The following WDFY4 variants were observed in gnomAD, a reference collection of about 807,000 sequenced individuals.
The protein encoded by WDFY4 is WDFY family member 4.
WDFY4 carries 169 observed loss-of-function variants against 351.9 expected under a neutral mutation model. The observed-to-expected ratio is 0.48, with a 90% CI of 0.42 to 0.55. WDFY4 has a LOEUF of 0.55. Ranked by LOEUF, WDFY4 falls within the 20% of genes least tolerant of loss-of-function variation. The probability of loss-of-function intolerance (pLI) is 0.00; values close to 1 mark genes in which losing one functional copy is unlikely to be tolerated. For missense variants in WDFY4, 3,803 were observed against 3,935.6 expected (o/e 0.97, Z 0.90); for synonymous variants, 1,622 against 1,574.6 (o/e 1.03, Z -0.71).
At chr10:48,734,817 C>A in intron 10 of WDFY4, among the ~76,000 whole-genome samples, 1 of 151,084 alleles carries the variant, frequency 6.6e-6, no homozygotes. Flanking sequence ...CACTCTGTCA[C>A]CAGGCTGGAG....
chr10:48,843,609 G>T (rs2133132118), intron 39 of WDFY4, among the ~76,000 whole-genome samples: 1 of 152,298 alleles, frequency 6.6e-6, no homozygotes, highest in East Asian at 1.9e-4. Context: ...AAGTAAAACA[G>T]ATTTGAAATT....
rs760837350 is a variant in WDFY4 at position 48,969,073 on chromosome 10, T to C, written c.8594T>C (p.Leu2865Pro). Residue 2865 changes from leucine to proline, a missense_variant, in exon 56 of 62, where the codon CTC (leucine) becomes CCC (proline). Transcript: ENST00000325239. ...ACTAACTGGGGTGTAGATATGTACCTCTTTTCTCTAGGCTCAGAGTCCCCC... is the reference window on the plus strand; with the variant it reads ...ACTAACTGGGGTGTAGATATGTACCCCTTTTCTCTAGGCTCAGAGTCCCCC... ...PSQVTVKDMY[L>P]FSLGSESPKG... 3 of 1,551,470 alleles carry C rather than the reference T, an allele frequency of 1.9e-6. No homozygotes were observed. The highest frequency in any genetic ancestry group is 1.2e-5 in the South Asian group (1 of 84,032).
chr10:48,710,292 T>C (rs968992532), intron 2 of WDFY4, among the ~76,000 whole-genome samples: 1 of 152,166 alleles, frequency 6.6e-6, no homozygotes, highest in Non-Finnish European at 1.5e-5. Context: ...GTGAGGGGCC[T>C]CTCTCAGGCT....
intron 40 of WDFY4, among the ~76,000 whole-genome samples, chr10:48,870,696 A>G (rs1186827651): frequency 1.3e-5 from 2 of 152,192 alleles, no homozygotes; most frequent in African/African-American, 4.8e-5. Context: ...GTGCAGAAAC[A>G]TGGGCATTTC....
At chr10:48,714,497 T>A (rs771962222) in intron 2 of WDFY4, among the ~76,000 whole-genome samples, 34 of 152,250 alleles carry the variant, frequency 2.2e-4, no homozygotes, top group Non-Finnish European at 4.0e-4. Context: ...CTGTTGTTCT[T>A]TTCCTGCCAA....
intron 57 of WDFY4, among the ~76,000 whole-genome samples, chr10:48,974,575 C>T (rs1224964366): frequency 7.4e-6 from 1 of 135,632 alleles, no homozygotes; most frequent in Non-Finnish European, 1.5e-5. Flanking sequence ...AGATGTAGGG[C>T]AGCACAAAAC....
At chr10:48,938,330 C>G (rs1199384586) in intron 47 of WDFY4, among the ~76,000 whole-genome samples, 2 of 152,240 alleles carry the variant, frequency 1.3e-5, no homozygotes, top group African/African-American at 2.4e-5. Flanking sequence ...CCTCCTAGTG[C>G]CAGGTGAAGA....
chr10:48,758,364 G>A (rs1246573957), intron 12 of WDFY4, among the ~76,000 whole-genome samples: 1 of 152,096 alleles, frequency 6.6e-6, no homozygotes, highest in Non-Finnish European at 1.5e-5. Context: ...TTAGTGTTCA[G>A]CAGTTTGATT....
At chr10:48,934,882 CAAT>C (rs1243933401) in intron 47 of WDFY4, among the ~76,000 whole-genome samples, 40 of 152,292 alleles carry the variant, frequency 2.6e-4, no homozygotes, top group Non-Finnish European at 2.1e-4. Flanking sequence ...CCCAAAGCAC[CAAT>C]GACTTGCACA....
chr10:48,890,555 G>A, intron 43 of WDFY4, 24 bp from the exon 44 acceptor site: 3 of 1,551,456 alleles, frequency 1.9e-6, no homozygotes, highest in Non-Finnish European at 1.7e-6. Context: ...TGCACCACCT[G>A]ACTCTGCCAC....
chr10:48,927,068 C>T (rs1316098582), intron 47 of WDFY4, among the ~76,000 whole-genome samples: 1 of 152,222 alleles, frequency 6.6e-6, no homozygotes, highest in African/African-American at 2.4e-5. Flanking sequence ...CTGCAGGCTG[C>T]TGTAGTGCCC....
At chr10:48,796,772 G>A (rs2066889880) in intron 24 of WDFY4, among the ~76,000 whole-genome samples, 1 of 152,154 alleles carries the variant, frequency 6.6e-6, no homozygotes, top group Non-Finnish European at 1.5e-5. Flanking sequence ...ACTATAAATT[G>A]GCATATACAT....
At chr10:48,690,182 C>T (rs2063156491) in intron 1 of WDFY4, among the ~76,000 whole-genome samples, 1 of 152,184 alleles carries the variant, frequency 6.6e-6, no homozygotes. Flanking sequence ...CCCATGACAG[C>T]AGTGGAGACA....
At chr10:48,787,325 A>G (rs917741170) in intron 20 of WDFY4, among the ~76,000 whole-genome samples, 1 of 152,232 alleles carries the variant, frequency 6.6e-6, no homozygotes, top group African/African-American at 2.4e-5. Flanking sequence ...GGAAAGAATG[A>G]TAAATGAATC....
chr10:48,938,487 A>T (rs1840543408), intron 47 of WDFY4, among the ~76,000 whole-genome samples: 1 of 152,338 alleles, frequency 6.6e-6, no homozygotes, highest in Middle Eastern at 3.4e-3. Context: ...CCAGCCCCCG[A>T]TGGAGGAAGA....
At chr10:48,838,133 C>T (rs958111777) in intron 39 of WDFY4, among the ~76,000 whole-genome samples, 5 of 152,168 alleles carry the variant, frequency 3.3e-5, no homozygotes, top group African/African-American at 4.8e-5. Flanking sequence ...GCACCAGAAG[C>T]GTGAGGATGA....
intron 47 of WDFY4, chr10:48,913,700 A>G: frequency 6.2e-7 from 1 of 1,612,840 alleles, no homozygotes; most frequent in Non-Finnish European, 8.5e-7. Context: ...GTAGGTTGTC[A>G]TGGAGCCCTA....
chr10:48,966,464 C>T (rs1590010491), intron 54 of WDFY4, 62 bp from the exon 55 acceptor site: 3 of 1,506,598 alleles, frequency 2.0e-6, no homozygotes, highest in Middle Eastern at 1.7e-4. Context: ...ACAGTGTGCA[C>T]AGGGACGACC....
At chr10:48,692,477 G>T (rs555338656) in intron 1 of WDFY4, among the ~76,000 whole-genome samples, 2 of 152,328 alleles carry the variant, frequency 1.3e-5, no homozygotes, top group East Asian at 3.9e-4. Flanking sequence ...TCTCATTTTT[G>T]AAGTGTGTAT....
Sources: gnomAD v4.1 joint callset for allele counts (sites outside exome capture counted in the v4.1 genomes callset) on GRCh38, gnomAD v4.1.1 for gene constraint, MANE v1.5 for transcripts, NCBI Gene and HGNC (gene_info 2026-07-23, HGNC 2026-07-21) for gene names.